IQANK1: variants seen among roughly 807,000 people sequenced by gnomAD.
The protein encoded by IQANK1 is IQ motif and ankyrin repeat domain-containing protein 1.
In IQANK1, 30 loss-of-function variants were observed where a neutral mutation model predicts 22.6. The ratio of observed to expected loss-of-function variants is 1.33; its 90% CI spans 0.99 to 1.80. The LOEUF (loss-of-function observed/expected upper bound fraction) is 1.80, where lower values mean the gene tolerates loss of function less well. Among genes scored for constraint, IQANK1 ranks in the 40% most tolerant of loss-of-function variants. IQANK1 has a pLI of 0.00. For synonymous variants in IQANK1, 122 were observed against 99.6 expected, an observed-to-expected ratio of 1.23 and a Z score of -1.34; for missense variants, 275 against 235.2, an observed-to-expected ratio of 1.17 and a Z score of -1.11.
intron 3 of IQANK1, among the ~76,000 whole-genome samples, chr8:143,756,480 G>A (rs552267008): frequency 5.3e-5 from 8 of 152,140 alleles, no homozygotes; most frequent in South Asian, 4.2e-4. Flanking sequence ...CAGGACCTTC[G>A]CACACCCAGT....
At chr8:143,743,979 A>G in intron 3 of IQANK1, 1 of 337,304 alleles carries the variant, frequency 3.0e-6, no homozygotes, top group South Asian at 2.2e-5. Context: ...GACTACAGGC[A>G]CCCACCACCA....
chr8:143,745,035 C>CTT (rs34039420), intron 3 of IQANK1: 31,467 of 152,190 alleles, frequency 0.21, 3,638 homozygotes, highest in East Asian at 0.51. Flanking sequence ...GTTGGTGACA[C>CTT]AACCCTGGCA....
At chr8:143,761,006 G>C (rs1819384624) in intron 3 of IQANK1, among the ~76,000 whole-genome samples, 1 of 152,158 alleles carries the variant, frequency 6.6e-6, no homozygotes, top group East Asian at 1.9e-4. Flanking sequence ...GGACCTCCTG[G>C]TGCGAGCCGA....
Position 143,771,388 on chromosome 8 carries a change from G to A in IQANK1, c.176-100G>A, listed in dbSNP as rs1819568698. On this transcript the variant is annotated intron_variant, in intron 3 of 13. Coordinates refer to ENST00000527139, the MANE Select transcript of IQANK1 (RefSeq NM_001381874.1). This position sits in a 1 kb window ranked among gnomAD's most constrained non-coding sequence, Gnocchi z 6.0. ...CTTTGAGAGCCGTTTGGGTCCTTCT[G>A]TCGGGGCGGGGGCGGGGGCGGGGCC... is the stretch of plus-strand genomic sequence containing the variant. 5.2e-6 allele frequency: 2 copies of A among 384,044 alleles called. No homozygotes were observed. Among genetic ancestry groups the A allele is most frequent in the South Asian group, 1.4e-4 (1 of 7,074 alleles). The allele number at this position is 384,044 out of a possible 1,614,324, so 23.8% of individuals were successfully genotyped here.
intron 3 of IQANK1, among the ~76,000 whole-genome samples, chr8:143,749,395 TTA>T (rs1361061339): frequency 7.6e-6 from 1 of 130,998 alleles, no homozygotes; most frequent in African/African-American, 3.0e-5. Context: ...GAATATATAA[TTA>T]TATATCATAT....
chr8:143,762,476 C>A (rs1047468572), intron 3 of IQANK1, among the ~76,000 whole-genome samples: 1 of 152,202 alleles, frequency 6.6e-6, no homozygotes, highest in Admixed American at 6.5e-5. Flanking sequence ...GCAGCCAGGG[C>A]ATCCACTGCT....
rs1390955249 is a variant in IQANK1 at position 143,790,353 on chromosome 8, T to C, written c.1428T>C (p.Tyr476=). 6 of 1,170,228 alleles carry C rather than the reference T, an allele frequency of 5.1e-6. No individual in the cohort carries two copies. The highest frequency in any genetic ancestry group is 6.4e-6 in the Non-Finnish European group (6 of 932,038). The allele number at this position is 1,170,228 out of a possible 1,614,324, so 72.5% of individuals were successfully genotyped here. A position where few individuals can be genotyped will look rare whatever the true frequency, so the allele number is the denominator to read the frequency against. ...MWLALLGALR[Y]GKPLVFDLRE... is the part of the protein sequence containing the mutation. ...CCTCACCAGCCTCATGGGGCAGGTATGGGAAGCCGCTGGTGTTCGACCTGC... is the reference window on the plus strand; with the variant it reads ...CCTCACCAGCCTCATGGGGCAGGTACGGGAAGCCGCTGGTGTTCGACCTGC... The change falls in exon 14 of 14, where the codon TAT becomes TAC. Residue 476 remains tyrosine, a synonymous_variant. Transcript: ENST00000527139.
chr8:143,760,696 T>C (rs945810357), intron 3 of IQANK1, among the ~76,000 whole-genome samples: 4 of 151,986 alleles, frequency 2.6e-5, no homozygotes, highest in Admixed American at 1.3e-4. Context: ...ATAAATACAA[T>C]AAATAGTAAA....
At chr8:143,789,669 T>C in intron 10 of IQANK1, 92 bp from the exon 11 acceptor site, 1 of 1,209,378 alleles carries the variant, frequency 8.3e-7, no homozygotes, top group Non-Finnish European at 1.0e-6. Context: ...AGTGGCCTGC[T>C]TGGGGTGGGG....
rs551665653 is a variant in IQANK1 at position 143,788,715 on chromosome 8, G to A, written c.790-200G>A. Among the ~76,000 whole-genome samples, 10 of 152,216 alleles carry A rather than the reference G, an allele frequency of 6.6e-5. No individual in the cohort carries two copies. In the South Asian group the frequency reaches 1.7e-3, roughly 25 times the overall value. On this transcript the variant is annotated intron_variant, in intron 7 of 13. Coordinates refer to ENST00000527139, the MANE Select transcript of IQANK1 (RefSeq NM_001381874.1). ...CAGGGAGCCCAGGAGAATTCCCAGC[G>A]GCCTGGGTGGCCTGGGCTTTGGGGA... is the stretch of plus-strand genomic sequence containing the variant.
At chr8:143,738,064 T>G (rs1373095515) in intron 2 of IQANK1, among the ~76,000 whole-genome samples, 1 of 152,162 alleles carries the variant, frequency 6.6e-6, no homozygotes, top group African/African-American at 2.4e-5. Flanking sequence ...CCTGAGGTGC[T>G]GGCTCGATGC....
intron 1 of IQANK1, among the ~76,000 whole-genome samples, chr8:143,734,760 G>A (rs895762982): frequency 6.6e-6 from 1 of 151,860 alleles, no homozygotes; most frequent in African/African-American, 2.4e-5. Context: ...TACACACAGG[G>A]ACTCTGCAAA....
chr8:143,737,050 G>A (rs1242789435), intron 2 of IQANK1, among the ~76,000 whole-genome samples: 2 of 152,116 alleles, frequency 1.3e-5, no homozygotes, highest in African/African-American at 2.4e-5. Flanking sequence ...GATGGTGACC[G>A]CTCCTCCACG....
At chr8:143,788,427 A>G (rs1819935387) in intron 7 of IQANK1, among the ~76,000 whole-genome samples, 1 of 152,074 alleles carries the variant, frequency 6.6e-6, no homozygotes. Flanking sequence ...AGTGCTGGGG[A>G]CTCAGGAGGG....
chr8:143,762,672 T>A (rs1819415604), intron 3 of IQANK1, among the ~76,000 whole-genome samples: 1 of 152,186 alleles, frequency 6.6e-6, no homozygotes, highest in Non-Finnish European at 1.5e-5. Context: ...GAAAAAATAT[T>A]TACCAGATCA....
At chr8:143,739,473 G>A (rs1028520378) in intron 2 of IQANK1, 6 of 190,368 alleles carry the variant, frequency 3.2e-5, no homozygotes, top group Admixed American at 6.1e-5. Context: ...ACAGAGACCG[G>A]AAAGGGCCTG....
intron 3 of IQANK1, chr8:143,741,778 A>T (rs6996570): frequency 0.21 from 31,829 of 153,664 alleles, 3,711 homozygotes; most frequent in East Asian, 0.51. Context: ...TCACATGGAC[A>T]CGCTATTTTT....
Position 143,789,518 on chromosome 8 carries a change from T to C in IQANK1, c.1076T>C (p.Leu359Pro), listed in dbSNP as rs1208297661. The C allele has an allele frequency of 4.9e-6, 6 of 1,232,050 alleles. No homozygotes were observed. Among genetic ancestry groups the C allele is most frequent in the Non-Finnish European group, 6.1e-6 (6 of 988,116 alleles). The allele number at this position is 1,232,050 out of a possible 1,614,324, so 76.3% of individuals were successfully genotyped here. A position where few individuals can be genotyped will look rare whatever the true frequency, so the allele number is the denominator to read the frequency against. ...TGGAGGTGCATGGACAAGACCAAGC[T>C]CACGCTGCAGGTGGGGGCCCGTGGT... The part of the protein sequence containing the change: ...CEWRCMDKTK[L>P]TLQAIKDTEA... Residue 359 changes from leucine (L) to proline (P), a missense_variant, in exon 10 of 14, where the codon CTC becomes CCC. By Grantham distance (98) the Leu-to-Pro change is moderately conservative (BLOSUM62 -3). Coordinates refer to ENST00000527139, the MANE Select transcript of IQANK1 (RefSeq NM_001381874.1).
chr8:143,738,157 C>T (rs1377354461), intron 2 of IQANK1, among the ~76,000 whole-genome samples: 15 of 152,138 alleles, frequency 9.9e-5, no homozygotes. Flanking sequence ...CCTCAGGGCC[C>T]TGCTGCCCAG....
Sources: gnomAD v4.1 joint callset for allele counts (sites outside exome capture counted in the v4.1 genomes callset) on GRCh38, gnomAD v4.1.1 for gene constraint, Gnocchi (gnomAD v3.1) non-coding constraint, MANE v1.5 for transcripts, NCBI Gene and HGNC (gene_info 2026-07-23, HGNC 2026-07-21) for gene names.